The following SLC38A1 variants were observed in gnomAD, a reference collection of about 807,000 sequenced individuals.
SLC38A1 encodes the protein solute carrier family 38 member 1.
In SLC38A1, 18 loss-of-function variants were observed where a neutral mutation model predicts 60.3. The observed-to-expected ratio is 0.30, with a 90% CI of 0.21 to 0.44. SLC38A1 has a LOEUF of 0.44. SLC38A1 is among the 20% of genes least tolerant of loss of function. SLC38A1 has a pLI of 1.00. For missense variants in SLC38A1, 448 were observed against 587.2 expected (o/e 0.76, Z 2.45); for synonymous variants, 196 against 212.1 (o/e 0.92, Z 0.66).
rs1794119204 is a variant in SLC38A1 at position 46,188,846 on chromosome 12, A to C, written c.*124T>G. On this transcript the variant is annotated 3_prime_UTR_variant, in exon 17 of 17. Transcript: ENST00000398637. ...TGTTTTGCAACCAAAAAGTTATTCC[A>C]TTTTAAGTATCCTGTACATTTCTGT... The C allele has an allele frequency of 1.3e-6, 1 of 741,720 alleles. No homozygotes were observed. Among genetic ancestry groups the C allele is most frequent in the African/African-American group, 1.7e-5 (1 of 57,528 alleles). 45.9% of individuals were successfully genotyped at this position (741,720 alleles called of 1,614,324 possible). A position where few individuals can be genotyped will look rare whatever the true frequency, so the allele number is the denominator to read the frequency against.
chr12:46,210,302 T>C lies in SLC38A1; in HGVS notation c.315-1175A>G, dbSNP rs553308894. Among the ~76,000 whole-genome samples the C allele has an allele frequency of 2.6e-3, 400 of 152,028 alleles. 2 individuals carry two copies. Among genetic ancestry groups the C allele is most frequent in the South Asian group, 8.5e-3 (41 of 4,806 alleles). Reference sequence around the variant, plus strand: ...CAACCATGAGGAGATAAACCAGGAGTACAGAATGGTCAACAGCAGAACAGA... The same window carrying C: ...CAACCATGAGGAGATAAACCAGGAGCACAGAATGGTCAACAGCAGAACAGA... On this transcript the variant is annotated intron_variant, in intron 5 of 16. Coordinates refer to ENST00000398637, the MANE Select transcript of SLC38A1 (RefSeq NM_030674.4).
chr12:46,204,276 A>G, intron 11 of SLC38A1, 25 bp downstream of exon 11: 1 of 1,392,958 alleles, frequency 7.2e-7, no homozygotes, highest in South Asian at 1.2e-5. Flanking sequence ...TGCTTGTTTC[A>G]TCTGCAAAGG....
At chr12:46,246,858 T>C (rs1941638338) in intron 1 of SLC38A1, among the ~76,000 whole-genome samples, 2 of 152,242 alleles carry the variant, frequency 1.3e-5, no homozygotes, top group African/African-American at 4.8e-5. Context: ...TTTGCTGTTC[T>C]GCAGCCTCCA....
At chr12:46,198,525 A>G (rs1939491055) in intron 14 of SLC38A1, 100 bp downstream of exon 14, 4 of 750,246 alleles carry the variant, frequency 5.3e-6, no homozygotes, top group Non-Finnish European at 8.6e-6. Context: ...ATAACCCAGG[A>G]AAGTTACCTG....
intron 3 of SLC38A1, among the ~76,000 whole-genome samples, chr12:46,235,804 A>C (rs1941239603): frequency 6.6e-6 from 1 of 152,220 alleles, no homozygotes; most frequent in Admixed American, 6.5e-5. Flanking sequence ...TTAATGAAAA[A>C]ATCTCAAATT....
chr12:46,203,487 C>T (rs375902701), intron 11 of SLC38A1, among the ~76,000 whole-genome samples: 1 of 152,164 alleles, frequency 6.6e-6, no homozygotes, highest in African/African-American at 2.4e-5. Flanking sequence ...GGCGACTGGC[C>T]CAGCACTCCC....
At chr12:46,256,509 T>C (rs570254520) in intron 1 of SLC38A1, among the ~76,000 whole-genome samples, 1 of 152,260 alleles carries the variant, frequency 6.6e-6, no homozygotes, top group African/African-American at 2.4e-5. Flanking sequence ...GCTGCCATTG[T>C]GATGGCAGAG....
At chr12:46,213,997 T>C (rs1279338581) in intron 5 of SLC38A1, among the ~76,000 whole-genome samples, 1 of 152,246 alleles carries the variant, frequency 6.6e-6, no homozygotes, top group Admixed American at 6.5e-5. Flanking sequence ...GATAGTCCCA[T>C]GATCTACTTA....
At chr12:46,240,332 G>C (rs780533572) in intron 2 of SLC38A1, among the ~76,000 whole-genome samples, 1 of 152,162 alleles carries the variant, frequency 6.6e-6, no homozygotes, top group Non-Finnish European at 1.5e-5. Flanking sequence ...AAGTAGCTGT[G>C]ATTACAGGCA....
chr12:46,188,916 G>T lies in SLC38A1; in HGVS notation c.*54C>A. ...AAAGAAGTGGTGAGAGATTGCTGAT[G>T]TGTGGGGACTTGACTGAGCAGACAA... On this transcript the variant is annotated 3_prime_UTR_variant, in exon 17 of 17. Coordinates refer to ENST00000398637, the MANE Select transcript of SLC38A1 (RefSeq NM_030674.4). 7.2e-7 allele frequency: 1 copy of T among 1,392,092 alleles called. No individual in the cohort carries two copies. Among genetic ancestry groups the T allele is most frequent in the Non-Finnish European group, 1.0e-6 (1 of 983,848 alleles). 86.2% of individuals were successfully genotyped at this position (1,392,092 alleles called of 1,614,324 possible). A position where few individuals can be genotyped will look rare whatever the true frequency, so the allele number is the denominator to read the frequency against.
intron 1 of SLC38A1, among the ~76,000 whole-genome samples, chr12:46,259,330 A>G (rs1056076505): frequency 2.4e-4 from 36 of 152,204 alleles, no homozygotes; most frequent in African/African-American, 8.7e-4. Flanking sequence ...ACATGGATCT[A>G]TATTTCAAAA....
At chr12:46,206,378 T>TG (rs1017726419) in intron 8 of SLC38A1, among the ~76,000 whole-genome samples, 5 of 139,624 alleles carry the variant, frequency 3.6e-5, no homozygotes, top group African/African-American at 1.5e-4. Flanking sequence ...GAGGGAATAT[T>TG]GGTTTTTTTT....
intron 5 of SLC38A1, among the ~76,000 whole-genome samples, chr12:46,224,850 G>A (rs956505639): frequency 1.3e-5 from 2 of 152,114 alleles, no homozygotes; most frequent in African/African-American, 2.4e-5. Context: ...ATAACTAAAT[G>A]ATCTATAATA....
chr12:46,206,239 TATC>T (rs1169171526), intron 8 of SLC38A1, 77 bp from the exon 9 acceptor site: 1 of 723,950 alleles, frequency 1.4e-6, no homozygotes, highest in Non-Finnish European at 2.3e-6. Flanking sequence ...AATTTCATGA[TATC>T]ATGATATATA....
chr12:46,251,486 T>C (rs1351986312), intron 1 of SLC38A1, among the ~76,000 whole-genome samples: 1 of 152,040 alleles, frequency 6.6e-6, no homozygotes, highest in East Asian at 1.9e-4. Flanking sequence ...AAAGCCAAAA[T>C]TGACAAATGG....
intron 1 of SLC38A1, among the ~76,000 whole-genome samples, chr12:46,262,306 A>G (rs1305234017): frequency 6.6e-6 from 1 of 152,222 alleles, no homozygotes; most frequent in Admixed American, 6.5e-5. Flanking sequence ...TTCAAGACAG[A>G]AAAAATAAAC....
intron 3 of SLC38A1, among the ~76,000 whole-genome samples, chr12:46,233,663 C>T (rs552543583): frequency 7.9e-5 from 12 of 152,314 alleles, no homozygotes; most frequent in African/African-American, 2.9e-4. Flanking sequence ...TGACTGCCAG[C>T]TGTTTCCTGC....
At chr12:46,264,267 T>G (rs1471551710) in intron 1 of SLC38A1, among the ~76,000 whole-genome samples, 1 of 152,204 alleles carries the variant, frequency 6.6e-6, no homozygotes, top group Non-Finnish European at 1.5e-5. Flanking sequence ...TCTTCACAAC[T>G]CTGAGGTACG....
intron 16 of SLC38A1, among the ~76,000 whole-genome samples, chr12:46,191,014 A>G (rs1939122672): frequency 6.6e-6 from 1 of 152,088 alleles, no homozygotes; most frequent in African/African-American, 2.4e-5. Flanking sequence ...GCCCATATCT[A>G]TGTCCTGAAT....
Sources: allele counts gnomAD v4.1 joint callset (sites outside exome capture counted in the v4.1 genomes callset), GRCh38; gene constraint gnomAD v4.1.1; transcripts MANE v1.5; gene names NCBI Gene and HGNC (gene_info 2026-07-23, HGNC 2026-07-21).